SEMA4A: variants seen among roughly 807,000 people sequenced by gnomAD.
SEMA4A encodes semaphorin 4A, also known as semaphorin-4A.
In SEMA4A, 52 loss-of-function variants were observed where a neutral mutation model predicts 72.5. The ratio of observed to expected loss-of-function variants is 0.72; its 90% CI spans 0.57 to 0.90. The LOEUF is 0.90. Ranked by LOEUF, SEMA4A falls within the 40% of genes least tolerant of loss-of-function variation. SEMA4A has a pLI of 0.00. For synonymous variants in SEMA4A, 369 were observed against 393.1 expected, an observed-to-expected ratio of 0.94 and a Z score of 0.73; for missense variants, 926 against 959.7, an observed-to-expected ratio of 0.96 and a Z score of 0.46.
At position 156,159,860 on chromosome 1, in the gene SEMA4A, A is replaced by G. The variant is rs370844551; in HGVS notation, c.569-583A>G. ...AGGATCGCTTGAGATGGTCAAGGCT[A>G]CGGTGAGTTGTGATGGCACCACTGC... On this transcript the variant is annotated intron_variant, in intron 6 of 14. Transcript: ENST00000368285. Among the ~76,000 whole-genome samples, 3 of 150,904 alleles carry G rather than the reference A, an allele frequency of 2.0e-5. No individual in the cohort carries two copies. In the East Asian group the frequency reaches 5.9e-4, roughly 30 times the overall value.
intron 10 of SEMA4A, among the ~76,000 whole-genome samples, chr1:156,170,755 A>C (rs1654698700): frequency 6.8e-6 from 1 of 146,108 alleles, no homozygotes; most frequent in South Asian, 2.1e-4. Flanking sequence ...CTCCGTCTCA[A>C]AAAAAAAAAA....
intron 10 of SEMA4A, among the ~76,000 whole-genome samples, chr1:156,171,136 A>C (rs761080968): frequency 1.3e-5 from 2 of 152,166 alleles, no homozygotes; most frequent in African/African-American, 2.4e-5. Flanking sequence ...TCAAAATGAG[A>C]TGTAGATGTT....
intron 9 of SEMA4A, 193 bp downstream of exon 9, chr1:156,161,711 A>G (rs559343627): frequency 4.9e-6 from 3 of 606,624 alleles, no homozygotes; most frequent in Non-Finnish European, 5.8e-6. Context: ...AATAAGACGC[A>G]GAGAGGTTCT....
Position 156,159,164 on chromosome 1 carries a change from T to A in SEMA4A, c.568+340T>A, listed in dbSNP as rs186602706. The A allele has an allele frequency of 1.1e-3, 362 of 337,642 alleles. 2 individuals are homozygous for A. Among genetic ancestry groups the A allele is most frequent in the Admixed American group, 3.9e-3 (86 of 21,866 alleles). The allele number at this position is 337,642 out of a possible 1,614,324, so 20.9% of individuals were successfully genotyped here. A position where few individuals can be genotyped will look rare whatever the true frequency, so the allele number is the denominator to read the frequency against. On this transcript the variant is annotated intron_variant, in intron 6 of 14. Transcript: ENST00000368285. ...GCCTGGTAAACATGGTGAAACCCCA[T>A]CTCTACTAAAAATACAAAAATTATC...
intron 10 of SEMA4A, among the ~76,000 whole-genome samples, chr1:156,166,417 C>G (rs1334736266): frequency 1.3e-5 from 2 of 152,144 alleles, no homozygotes; most frequent in African/African-American, 4.8e-5. Context: ...TAGAAGTGAG[C>G]AAAACAGATG....
At chr1:156,165,907 C>CTTTTTTTTTT (rs71080751) in intron 10 of SEMA4A, among the ~76,000 whole-genome samples, 6 of 112,920 alleles carry the variant, frequency 5.3e-5, no homozygotes, top group South Asian at 2.8e-4. Context: ...TTCCTATCTT[C>CTTTTTTTTTT]TTTTTTTTTT....
chr1:156,162,856 C>T, intron 9 of SEMA4A, 88 bp from the exon 10 acceptor site: 2 of 1,560,684 alleles, frequency 1.3e-6, no homozygotes, highest in Non-Finnish European at 1.8e-6. Context: ...CTCTTGCCTC[C>T]TGGGTTTTCT....
intron 10 of SEMA4A, among the ~76,000 whole-genome samples, chr1:156,163,457 C>T (rs1214463293): frequency 6.6e-6 from 1 of 152,072 alleles, no homozygotes; most frequent in Non-Finnish European, 1.5e-5. Context: ...TGTGGTGGCT[C>T]ACACCTGTAA....
At position 156,158,759 on chromosome 1, in the gene SEMA4A, A is replaced by C; in HGVS notation, c.503A>C (p.Lys168Thr). The C allele has an allele frequency of 6.2e-7, 1 of 1,613,892 alleles. No homozygotes were observed. The highest frequency in any genetic ancestry group is 8.5e-7 in the Non-Finnish European group (1 of 1,179,974). ...TACCTGTTGCCCATCTCGGAGGACAAGGTCATGGAGGGAAAAGGCCAAAGC... is the reference window on the plus strand; with the variant it reads ...TACCTGTTGCCCATCTCGGAGGACACGGTCATGGAGGGAAAAGGCCAAAGC... ...DSYLLPISED[K>T]VMEGKGQSPF... The change falls in exon 6 of 15, where the codon AAG (lysine) becomes ACG (threonine). Residue 168 changes from lysine to threonine, a missense_variant. Coordinates refer to ENST00000368285, the MANE Select transcript of SEMA4A (RefSeq NM_022367.4).
Position 156,176,904 on chromosome 1 carries a change from C to T in SEMA4A, c.2193C>T (p.Ser731=), listed in dbSNP as rs1160825440. The change falls in exon 15 of 15, where the codon AGC becomes AGT. Residue 731 remains serine, a synonymous_variant. Coordinates refer to ENST00000368285, the MANE Select transcript of SEMA4A (RefSeq NM_022367.4). The part of the protein sequence containing the change: ...TLRPGEKAPL[S]REQHLQSPKE... Reference sequence around the variant, plus strand: ...GCCCTGGGGAGAAGGCCCCGTTAAGCAGAGAGCAACACCTCCAGTCTCCCA... The same window carrying T: ...GCCCTGGGGAGAAGGCCCCGTTAAGTAGAGAGCAACACCTCCAGTCTCCCA... 2.5e-6 allele frequency: 4 copies of T among 1,614,134 alleles called. No homozygotes were observed. Among genetic ancestry groups the T allele is most frequent in the East Asian group, 2.2e-5 (1 of 44,900 alleles).
upstream of SEMA4A, among the ~76,000 whole-genome samples, chr1:156,151,838 CAAAAAAAAAAAAA>C (rs546304826): frequency 3.4e-4 from 6 of 17,524 alleles, no homozygotes; most frequent in African/African-American, 8.0e-4. Flanking sequence ...CACTTCGTCT[CAAAAAAAAAAAAA>C]AAAAAAAAAA....
At chr1:156,162,574 C>G (rs772867557) in intron 9 of SEMA4A, among the ~76,000 whole-genome samples, 5 of 152,236 alleles carry the variant, frequency 3.3e-5, no homozygotes, top group Non-Finnish European at 7.3e-5. Flanking sequence ...ATCCAAGAGA[C>G]TCAAAGGAAG....
At chr1:156,163,901 A>G (rs1481160201) in intron 10 of SEMA4A, among the ~76,000 whole-genome samples, 1 of 151,656 alleles carries the variant, frequency 6.6e-6, no homozygotes, top group South Asian at 2.1e-4. Flanking sequence ...GCCTGGTGGC[A>G]TGTGCCTGTA....
chr1:156,161,189 T>TC, intron 8 of SEMA4A, 157 bp from the exon 9 acceptor site: 5 of 243,374 alleles, frequency 2.1e-5, no homozygotes, highest in Non-Finnish European at 2.7e-5. Flanking sequence ...GCTGGGCGGG[T>TC]GGGGCGGGGG....
In SEMA4A at chr1:156,154,830, C is replaced by T. The variant is rs1262378194; in HGVS notation, c.139+113C>T. On this transcript the variant is annotated intron_variant, in intron 2 of 14. Coordinates refer to ENST00000368285, the MANE Select transcript of SEMA4A (RefSeq NM_022367.4). Reference sequence around the variant, plus strand: ...AAATGGATATGGAGAAACAGGGACACAGAGAGAGATGCCAGGGAGAAACAG... The same window carrying T: ...AAATGGATATGGAGAAACAGGGACATAGAGAGAGATGCCAGGGAGAAACAG... The T allele has an allele frequency of 1.8e-5, 23 of 1,256,142 alleles. No individual in the cohort carries two copies. The Admixed American group carries it at 5.3e-4, about 29-fold the overall frequency. The allele number at this position is 1,256,142 out of a possible 1,614,324, so 77.8% of individuals were successfully genotyped here.
intron 13 of SEMA4A, 107 bp downstream of exon 13, chr1:156,175,350 C>A: frequency 7.3e-7 from 1 of 1,376,616 alleles, no homozygotes; most frequent in Non-Finnish European, 1.0e-6. Flanking sequence ...ATATTCACTC[C>A]AAGAGTCCTC....
chr1:156,155,407 C>T (rs1222760129), intron 2 of SEMA4A: 1 of 152,746 alleles, frequency 6.5e-6, no homozygotes, highest in Non-Finnish European at 1.5e-5. Context: ...GCAGAGACCT[C>T]CTCTGTGTTG....
At chr1:156,154,901 A>G in intron 2 of SEMA4A, 184 bp downstream of exon 2, 6 of 797,916 alleles carry the variant, frequency 7.5e-6, no homozygotes, top group South Asian at 1.9e-5. Flanking sequence ...GAAGTCCAAA[A>G]GGAAAGAAAA....
intron 10 of SEMA4A, among the ~76,000 whole-genome samples, chr1:156,172,035 C>T (rs1211129998): frequency 2.0e-5 from 3 of 151,948 alleles, no homozygotes; most frequent in East Asian, 1.9e-4. Context: ...CCGCCAGCCT[C>T]GGCCTCCCAA....
Sources: allele counts gnomAD v4.1 joint callset (sites outside exome capture counted in the v4.1 genomes callset), GRCh38; gene constraint gnomAD v4.1.1; transcripts MANE v1.5; gene names NCBI Gene and HGNC (gene_info 2026-07-23, HGNC 2026-07-21).